Variants in SYT15B observed in about 807,000 individuals in gnomAD.
The protein encoded by SYT15B is synaptotagmin 15B, also known as synaptotagmin-15.
chr10:47,754,963 CTTT>C, the SYT15B span, among the ~76,000 whole-genome samples: 30 of 74,956 alleles, frequency 4.0e-4, no homozygotes, highest in South Asian at 4.1e-3. Context: ...CTTTTCTTTT[CTTT>C]TTTTTTTTTT....
At chr10:47,755,416 C>T in the SYT15B span, among the ~76,000 whole-genome samples, 40 of 152,310 alleles carry the variant, frequency 2.6e-4, no homozygotes, top group African/African-American at 8.7e-4. Flanking sequence ...CCACCACACC[C>T]AGCTAATTTT....
chr10:47,744,924 C>T, the SYT15B span, among the ~76,000 whole-genome samples: 1 of 151,952 alleles, frequency 6.6e-6, no homozygotes, highest in Non-Finnish European at 1.5e-5. Context: ...CTCTGTTCAG[C>T]ATTTAAAATG....
chr10:47,757,011 C>T, the SYT15B span, among the ~76,000 whole-genome samples: 1 of 111,752 alleles, frequency 8.9e-6, no homozygotes, highest in Non-Finnish European at 1.9e-5. Context: ...GGAGATGCAG[C>T]TTTGGGTTCA....
the SYT15B span, among the ~76,000 whole-genome samples, chr10:47,762,182 C>A: frequency 0.019 from 2,941 of 150,838 alleles, no homozygotes; most frequent in African/African-American, 0.068. Context: ...TCAAGGTGAG[C>A]ACGCGCTTAG....
the SYT15B span, among the ~76,000 whole-genome samples, chr10:47,748,432 C>T: frequency 1.3e-5 from 2 of 151,852 alleles, no homozygotes; most frequent in Admixed American, 6.6e-5. Context: ...AGGTTGGTCT[C>T]AAACTTCTGA....
the SYT15B span, among the ~76,000 whole-genome samples, chr10:47,756,884 A>T: frequency 2.8e-5 from 4 of 144,428 alleles, no homozygotes; most frequent in Non-Finnish European, 4.6e-5. Context: ...CCGCTGATGG[A>T]AAGGTGGAGG....
the SYT15B span, among the ~76,000 whole-genome samples, chr10:47,749,467 A>T: frequency 6.7e-6 from 1 of 148,412 alleles, no homozygotes; most frequent in Non-Finnish European, 1.5e-5. Flanking sequence ...TGTAAAATAT[A>T]TGTGAAATTA....
chr10:47,756,830 G>T, the SYT15B span, among the ~76,000 whole-genome samples: 1 of 141,434 alleles, frequency 7.1e-6, no homozygotes, highest in Non-Finnish European at 1.5e-5. Context: ...CTTCCCCTGT[G>T]GGGAGGGAGG....
At chr10:47,745,044 C>T in the SYT15B span, among the ~76,000 whole-genome samples, 202 of 151,822 alleles carry the variant, frequency 1.3e-3, no homozygotes, top group African/African-American at 4.7e-3. Flanking sequence ...AGGCATTGGG[C>T]GGGTAGCAGT....
the SYT15B span, among the ~76,000 whole-genome samples, chr10:47,745,690 A>G: frequency 7.3e-6 from 1 of 137,734 alleles, no homozygotes; most frequent in African/African-American, 2.5e-5. Context: ...GGGCACAGCC[A>G]AGCACAAATT....
the SYT15B span, chr10:47,752,950 T>TA: frequency 1.4e-5 from 1 of 73,824 alleles, no homozygotes; most frequent in Non-Finnish European, 2.6e-5. Context: ...CTACTAAAAA[T>TA]AAAAAAAATT....
chr10:47,747,448 A>G, the SYT15B span, among the ~76,000 whole-genome samples: 1 of 135,824 alleles, frequency 7.4e-6, no homozygotes. Flanking sequence ...TAATAATCAC[A>G]TCAGACACTC....
chr10:47,749,594 A>T, the SYT15B span, among the ~76,000 whole-genome samples: 1 of 150,324 alleles, frequency 6.7e-6, no homozygotes, highest in Non-Finnish European at 1.5e-5. Flanking sequence ...ATTAGATTAT[A>T]ATAATGTACA....
the SYT15B span, among the ~76,000 whole-genome samples, chr10:47,747,272 G>C: frequency 6.6e-6 from 1 of 152,062 alleles, no homozygotes; most frequent in African/African-American, 2.4e-5. Context: ...GGAACTGAAG[G>C]GGCCAAGATA....
the SYT15B span, among the ~76,000 whole-genome samples, chr10:47,749,689 T>C: frequency 6.6e-6 from 1 of 150,670 alleles, no homozygotes; most frequent in African/African-American, 2.5e-5. Context: ...GAAACGGAAT[T>C]AAAAAAATAA....
chr10:47,750,847 C>T, the SYT15B span: 2 of 151,684 alleles, frequency 1.3e-5, no homozygotes, highest in African/African-American at 4.9e-5. Flanking sequence ...TAAACCTGCA[C>T]ACACACACAA....
At chr10:47,746,753 G>A in the SYT15B span, among the ~76,000 whole-genome samples, 1 of 125,288 alleles carries the variant, frequency 8.0e-6, no homozygotes, top group Non-Finnish European at 1.7e-5. Flanking sequence ...AGAAATGAGT[G>A]CTTATTTAAG....
At chr10:47,748,093 G>A in the SYT15B span, among the ~76,000 whole-genome samples, 1 of 152,106 alleles carries the variant, frequency 6.6e-6, no homozygotes, top group Admixed American at 6.5e-5. Flanking sequence ...AGGAAGATGG[G>A]GCAGAAGGAA....
chr10:47,755,555 CTTTT>C, the SYT15B span, among the ~76,000 whole-genome samples: 14 of 82,986 alleles, frequency 1.7e-4, no homozygotes, highest in Admixed American at 1.3e-3. Context: ...GTGCCCGGCC[CTTTT>C]TTTTTTTTTT....
Sources: gnomAD v4.1 joint callset for allele counts (sites outside exome capture counted in the v4.1 genomes callset) on GRCh38, gnomAD v4.1.1 for gene constraint, MANE v1.5 for transcripts, NCBI Gene and HGNC (gene_info 2026-07-23, HGNC 2026-07-21) for gene names.